The following DLG2 variants were observed in gnomAD, a reference collection of about 807,000 sequenced individuals.
DLG2 encodes the protein discs large MAGUK scaffold protein 2, also known as disks large homolog 2.
In DLG2, 45 loss-of-function variants were observed where a neutral mutation model predicts 132.5. The ratio of observed to expected loss-of-function variants is 0.34; its 90% CI spans 0.27 to 0.44. DLG2 has a LOEUF of 0.44. Among genes scored for constraint, DLG2 ranks in the 20% least tolerant of loss-of-function variants. The pLI is 1.00. For missense variants in DLG2, 1,045 were observed against 1,196.9 expected (o/e 0.87, Z 1.87); for synonymous variants, 424 against 419.6 (o/e 1.01, Z -0.13).
At chr11:84,873,142 A>T (rs1028447934) in intron 6 of DLG2, among the ~76,000 whole-genome samples, 1 of 152,228 alleles carries the variant, frequency 6.6e-6, no homozygotes, top group Non-Finnish European at 1.5e-5. Context: ...TGGGAAGATT[A>T]TCATTAGCTT....
intron 15 of DLG2, among the ~76,000 whole-genome samples, chr11:83,906,423 A>G (rs2074987850): frequency 6.6e-6 from 1 of 151,938 alleles, no homozygotes; most frequent in Non-Finnish European, 1.5e-5. Flanking sequence ...GAGATAGGGG[A>G]GCACGGAAGT....
chr11:85,280,056 C>T (rs2078133581), intron 4 of DLG2, among the ~76,000 whole-genome samples: 1 of 151,994 alleles, frequency 6.6e-6, no homozygotes, highest in Non-Finnish European at 1.5e-5. Context: ...GGGAAAAGTC[C>T]TATTTATACT....
intron 18 of DLG2, among the ~76,000 whole-genome samples, chr11:83,778,590 A>C (rs990573308): frequency 6.6e-6 from 1 of 152,176 alleles, no homozygotes; most frequent in Non-Finnish European, 1.5e-5. Flanking sequence ...CAGCTTTGTA[A>C]ATATTTTTAA....
intron 7 of DLG2, among the ~76,000 whole-genome samples, chr11:84,490,010 G>A (rs1317045384): frequency 6.6e-6 from 1 of 152,126 alleles, no homozygotes; most frequent in African/African-American, 2.4e-5. Flanking sequence ...TTTCAGAAGT[G>A]TTTGAATGAA....
intron 4 of DLG2, among the ~76,000 whole-genome samples, chr11:85,159,382 T>A (rs2077855869): frequency 6.6e-6 from 1 of 152,190 alleles, no homozygotes. Context: ...GTGAGGGCTA[T>A]TATGGTGGGA....
chr11:84,419,182 G>T (rs112733678), intron 7 of DLG2, among the ~76,000 whole-genome samples: 16 of 150,370 alleles, frequency 1.1e-4, no homozygotes, highest in South Asian at 6.3e-4. Flanking sequence ...GAGAGAGAGA[G>T]ATATTATATA....
At chr11:85,437,480 T>C (rs2091551194) in intron 3 of DLG2, among the ~76,000 whole-genome samples, 1 of 152,186 alleles carries the variant, frequency 6.6e-6, no homozygotes, top group Non-Finnish European at 1.5e-5. Flanking sequence ...TCATTAAGCA[T>C]CTACTATGTA....
intron 6 of DLG2, among the ~76,000 whole-genome samples, chr11:84,627,108 T>G (rs552974085): frequency 1.6e-4 from 24 of 152,144 alleles, no homozygotes; most frequent in Admixed American, 7.2e-4. Context: ...TGACATCAGG[T>G]CATCTGCCTG....
At chr11:85,573,178 A>C (rs1257701402) in intron 3 of DLG2, among the ~76,000 whole-genome samples, 1 of 152,204 alleles carries the variant, frequency 6.6e-6, no homozygotes, top group Non-Finnish European at 1.5e-5. Context: ...TACAGACTGA[A>C]GAACCATAAA....
intron 3 of DLG2, among the ~76,000 whole-genome samples, chr11:85,348,634 T>C (rs2083047219): frequency 2.0e-5 from 3 of 152,082 alleles, no homozygotes; most frequent in Admixed American, 1.3e-4. Context: ...CCCCCCTCCA[T>C]GATTACCCCA....
intron 3 of DLG2, among the ~76,000 whole-genome samples, chr11:85,573,190 C>G (rs2077949757): frequency 1.3e-5 from 2 of 152,056 alleles, no homozygotes; most frequent in Admixed American, 1.3e-4. Context: ...AACCATAAAC[C>G]AATTAAATCT....
chr11:83,724,198 A>G (rs937727774), intron 18 of DLG2, among the ~76,000 whole-genome samples: 1 of 152,148 alleles, frequency 6.6e-6, no homozygotes, highest in African/African-American at 2.4e-5. Flanking sequence ...CGCGTAAAAT[A>G]AAATGGTTTC....
At chr11:83,889,766 A>G (rs1426726568) in intron 15 of DLG2, among the ~76,000 whole-genome samples, 1 of 152,186 alleles carries the variant, frequency 6.6e-6, no homozygotes, top group African/African-American at 2.4e-5. Flanking sequence ...ACACCATGGA[A>G]TACTATGCAG....
chr11:84,228,947 C>T (rs1395610745), intron 8 of DLG2, among the ~76,000 whole-genome samples: 1 of 152,048 alleles, frequency 6.6e-6, no homozygotes. Context: ...GAATGAGGTC[C>T]ACAATCATAT....
intron 6 of DLG2, among the ~76,000 whole-genome samples, chr11:84,639,614 C>G (rs565083261): frequency 7.2e-5 from 11 of 152,250 alleles, no homozygotes; most frequent in Admixed American, 5.2e-4. Flanking sequence ...TGCTCCTCAA[C>G]TTCTCAACTT....
At chr11:84,000,012 C>A (rs1419695036) in intron 11 of DLG2, among the ~76,000 whole-genome samples, 2 of 148,476 alleles carry the variant, frequency 1.3e-5, no homozygotes, top group Non-Finnish European at 3.0e-5. Context: ...TCTCTAGTAA[C>A]AGATCCCAAG....
intron 12 of DLG2, among the ~76,000 whole-genome samples, chr11:83,976,872 T>C (rs1257891150): frequency 6.6e-6 from 1 of 151,972 alleles, no homozygotes; most frequent in Non-Finnish European, 1.5e-5. Context: ...TAACCAGAGA[T>C]GTGAATGATT....
At chr11:83,492,842 A>G (rs1342331101) in intron 21 of DLG2, among the ~76,000 whole-genome samples, 1 of 152,024 alleles carries the variant, frequency 6.6e-6, no homozygotes, top group Non-Finnish European at 1.5e-5. Flanking sequence ...GGAGCATGAT[A>G]TTGACCTCAG....
chr11:85,129,652 T>G (rs2075498071), intron 5 of DLG2, among the ~76,000 whole-genome samples: 1 of 152,176 alleles, frequency 6.6e-6, no homozygotes. Flanking sequence ...GTGTGGCAAT[T>G]GTTCAAGGAT....
Sources: gnomAD v4.1 joint callset for allele counts (sites outside exome capture counted in the v4.1 genomes callset) on GRCh38, gnomAD v4.1.1 for gene constraint, MANE v1.5 for transcripts, NCBI Gene and HGNC (gene_info 2026-07-23, HGNC 2026-07-21) for gene names.